TMEM132D: variants seen among roughly 807,000 people sequenced by gnomAD.
TMEM132D encodes the protein mature OL transmembrane protein.
A neutral mutation model predicts 62.3 loss-of-function variants in TMEM132D; 21 were observed. The observed-to-expected ratio is 0.34, with a 90% CI of 0.24 to 0.49. TMEM132D has a LOEUF of 0.49. TMEM132D is among the 20% of genes least tolerant of loss of function. The pLI, the probability that TMEM132D is intolerant of heterozygous loss-of-function variation, is 0.99. For missense variants in TMEM132D, 1,346 were observed against 1,402.8 expected, an observed-to-expected ratio of 0.96 and a Z score of 0.65; for synonymous variants, 621 against 575.6, an observed-to-expected ratio of 1.08 and a Z score of -1.13.
intron 2 of TMEM132D, among the ~76,000 whole-genome samples, chr12:129,637,289 G>T (rs1303625406): frequency 1.3e-5 from 2 of 152,064 alleles, no homozygotes; most frequent in African/African-American, 4.8e-5. Flanking sequence ...TTGTAAATTT[G>T]CCTTTGTCTC....
At chr12:129,821,858 T>C (rs1872549096) in intron 1 of TMEM132D, among the ~76,000 whole-genome samples, 1 of 152,190 alleles carries the variant, frequency 6.6e-6, no homozygotes, top group Non-Finnish European at 1.5e-5. Flanking sequence ...TAGGGAGTCA[T>C]GAAGCCTGCT....
intron 2 of TMEM132D, among the ~76,000 whole-genome samples, chr12:129,686,965 G>C (rs542375452): frequency 6.6e-6 from 1 of 152,228 alleles, no homozygotes; most frequent in East Asian, 1.9e-4. Flanking sequence ...CAATCAAATG[G>C]GTATAAAAAT....
chr12:129,761,698 CA>C (rs536918758), intron 1 of TMEM132D, among the ~76,000 whole-genome samples: 392 of 152,338 alleles, frequency 2.6e-3, no homozygotes, highest in Non-Finnish European at 4.0e-3. Flanking sequence ...TCTGCTTTCA[CA>C]GGGGATTTGG....
rs553105608 is a variant in TMEM132D at position 129,617,734 on chromosome 12, C to T, written c.968+82076G>A. Among the ~76,000 whole-genome samples the T allele has an allele frequency of 5.9e-5, 9 of 152,232 alleles. 1 individual carries two copies. The South Asian group carries it at 1.7e-3, about 28-fold the overall frequency. ...CAATGTCATCTTCTCACTGCATCCT[C>T]TCCTGGTGGAAGGGGGCAGCATCTC... On this transcript the variant is annotated intron_variant, in intron 2 of 8. Transcript: ENST00000422113.
intron 2 of TMEM132D, among the ~76,000 whole-genome samples, chr12:129,663,958 C>T (rs1392243246): frequency 6.6e-6 from 1 of 151,800 alleles, no homozygotes; most frequent in Non-Finnish European, 1.5e-5. Context: ...AAAACAAAAT[C>T]ACTGTTTGGG....
chr12:129,511,337 A>G (rs930484059), intron 3 of TMEM132D, among the ~76,000 whole-genome samples: 2 of 152,004 alleles, frequency 1.3e-5, no homozygotes, highest in Non-Finnish European at 2.9e-5. Flanking sequence ...TTTTTTTGCA[A>G]TGCATCTGTG....
chr12:129,877,900 A>G (rs1282153534), intron 1 of TMEM132D, among the ~76,000 whole-genome samples: 8 of 152,202 alleles, frequency 5.3e-5, no homozygotes, highest in Non-Finnish European at 8.8e-5. Context: ...AATCTATATT[A>G]TAGACTGGGG....
chr12:129,320,778 T>C (rs536436796), intron 4 of TMEM132D, among the ~76,000 whole-genome samples: 3 of 152,264 alleles, frequency 2.0e-5, no homozygotes, highest in East Asian at 1.9e-4. Flanking sequence ...TGGAGTACAA[T>C]AGGGGCAGTG....
At chr12:129,626,721 G>A (rs1879227810) in intron 2 of TMEM132D, among the ~76,000 whole-genome samples, 1 of 152,246 alleles carries the variant, frequency 6.6e-6, no homozygotes, top group East Asian at 1.9e-4. Context: ...CCCCATAAGT[G>A]CTGGAATTAC....
intron 3 of TMEM132D, among the ~76,000 whole-genome samples, chr12:129,408,989 A>G (rs1050231589): frequency 2.0e-5 from 3 of 151,932 alleles, no homozygotes; most frequent in African/African-American, 4.8e-5. Context: ...CTGGAGTGCA[A>G]TGGTGTGATC....
chr12:129,828,238 G>C (rs946484059), intron 1 of TMEM132D, among the ~76,000 whole-genome samples: 1 of 152,122 alleles, frequency 6.6e-6, no homozygotes, highest in Non-Finnish European at 1.5e-5. Context: ...CCGAGCCAGA[G>C]AATTTTCCTT....
intron 5 of TMEM132D, among the ~76,000 whole-genome samples, chr12:129,130,453 C>A (rs976749011): frequency 6.6e-6 from 1 of 152,170 alleles, no homozygotes; most frequent in Admixed American, 6.5e-5. Flanking sequence ...GGAACCCAAG[C>A]GCACTCTGGA....
chr12:129,422,216 A>G (rs2135711641), intron 3 of TMEM132D, among the ~76,000 whole-genome samples: 1 of 152,324 alleles, frequency 6.6e-6, no homozygotes, highest in Middle Eastern at 3.4e-3. Flanking sequence ...AGACAAAAAA[A>G]GAATATCTAT....
chr12:129,626,433 A>T (rs1431428941), intron 2 of TMEM132D, among the ~76,000 whole-genome samples: 1 of 151,446 alleles, frequency 6.6e-6, no homozygotes, highest in African/African-American at 2.4e-5. Flanking sequence ...ATACTACTCA[A>T]TTGTACTTTT....
chr12:129,112,057 C>CT (rs1375009232), intron 5 of TMEM132D, among the ~76,000 whole-genome samples: 1 of 152,204 alleles, frequency 6.6e-6, no homozygotes, highest in Non-Finnish European at 1.5e-5. Flanking sequence ...TCCGTAGCCT[C>CT]TTTACCTGGT....
intron 2 of TMEM132D, among the ~76,000 whole-genome samples, chr12:129,679,744 C>G (rs1177822563): frequency 1.3e-5 from 2 of 152,040 alleles, no homozygotes; most frequent in East Asian, 3.9e-4. Flanking sequence ...TGTTTTCTAT[C>G]TTTGAACTTT....
intron 2 of TMEM132D, among the ~76,000 whole-genome samples, chr12:129,582,642 A>G (rs893798654): frequency 6.7e-6 from 1 of 148,748 alleles, no homozygotes. Flanking sequence ...TTTTTGAGAC[A>G]GAGTCTCACC....
chr12:129,193,107 G>A (rs932413654), intron 5 of TMEM132D, among the ~76,000 whole-genome samples: 27 of 150,226 alleles, frequency 1.8e-4, no homozygotes, highest in African/African-American at 6.6e-4. Flanking sequence ...GCAGTGAGCC[G>A]AGATCGTGCC....
chr12:129,553,318 G>A (rs551862174), intron 2 of TMEM132D, among the ~76,000 whole-genome samples: 25 of 152,276 alleles, frequency 1.6e-4, no homozygotes, highest in African/African-American at 6.0e-4. Context: ...GCTGCTGTCA[G>A]GCTCGCCTTT....
Sources: allele counts gnomAD v4.1 joint callset (sites outside exome capture counted in the v4.1 genomes callset), GRCh38; gene constraint gnomAD v4.1.1; transcripts MANE v1.5; gene names NCBI Gene and HGNC (gene_info 2026-07-23, HGNC 2026-07-21).